Variants in ABCB9 observed in about 807,000 individuals in gnomAD.
ABCB9 encodes the protein ATP binding cassette subfamily B member 9.
Under a neutral mutation model 62.0 loss-of-function variants are expected in ABCB9, and 36 were observed. That is an observed-to-expected ratio of 0.58 (90% CI 0.45 to 0.77). The LOEUF (loss-of-function observed/expected upper bound fraction) is 0.77. ABCB9 is among the 30% of genes least tolerant of loss of function. The pLI, the probability that ABCB9 is intolerant of heterozygous loss-of-function variation, is 0.00. For synonymous variants in ABCB9, 435 were observed against 461.4 expected, an observed-to-expected ratio of 0.94 and a Z score of 0.73; for missense variants, 943 against 1,054.7, an observed-to-expected ratio of 0.89 and a Z score of 1.47.
At chr12:122,927,859 C>G (rs928411255), downstream of ABCB9, among the ~76,000 whole-genome samples, 2 of 152,208 alleles carry the variant, frequency 1.3e-5, no homozygotes, top group African/African-American at 4.8e-5. Flanking sequence ...TAAAAAACAG[C>G]TGATCTCACA....
chr12:122,939,973 G>A, intron 9 of ABCB9, 138 bp downstream of exon 9: 1 of 1,150,910 alleles, frequency 8.7e-7, no homozygotes, highest in South Asian at 1.6e-5. Context: ...GTTTCTCTAG[G>A]AGGGCATTGT....
downstream of ABCB9, among the ~76,000 whole-genome samples, chr12:122,919,691 C>T (rs980069524): frequency 6.6e-6 from 1 of 152,048 alleles, no homozygotes. Flanking sequence ...TAGGTGATCT[C>T]GGACCTCTTA....
At chr12:122,943,420 C>T (rs917441863) in intron 7 of ABCB9, among the ~76,000 whole-genome samples, 6 of 152,176 alleles carry the variant, frequency 3.9e-5, no homozygotes, top group Non-Finnish European at 7.3e-5. Context: ...ATTTCCGAGG[C>T]ACTACGCTGG....
Position 122,930,100 on chromosome 12 carries a change from C to A in ABCB9, c.2112G>T (p.Val704=). The change falls in exon 12 of 12, where the codon GTG becomes GTT. Residue 704 remains valine, a synonymous_variant. Transcript: ENST00000280560. The surrounding 1 kb of genome is among the most constrained non-coding windows in gnomAD (Gnocchi z 4.9). ...GCACCACAATGAGGTGCGCGTGCTC[C>A]ACGGTGCTCAGCCGGTGCGCGATGA... is the stretch of plus-strand genomic sequence containing the variant. ...VLIIAHRLST[V]EHAHLIVVLD... 1.3e-6 allele frequency: 2 copies of A among 1,557,888 alleles called. No homozygotes were observed. Among genetic ancestry groups the A allele is most frequent in the East Asian group, 2.4e-5 (1 of 41,468 alleles).
chr12:122,970,929 T>A (rs985223453), upstream of ABCB9, among the ~76,000 whole-genome samples: 5 of 152,102 alleles, frequency 3.3e-5, no homozygotes, highest in Admixed American at 2.0e-4. Context: ...CTCCCTACTG[T>A]ATGATTCCTA....
At chr12:122,920,309 A>G (rs1593944657), downstream of ABCB9, among the ~76,000 whole-genome samples, 1 of 149,816 alleles carries the variant, frequency 6.7e-6, no homozygotes, top group Non-Finnish European at 1.5e-5. Flanking sequence ...TATCTCCTTC[A>G]CTATCCCCAG....
chr12:122,968,812 G>A (rs1424128797), upstream of ABCB9, among the ~76,000 whole-genome samples: 2 of 151,848 alleles, frequency 1.3e-5, no homozygotes, highest in Non-Finnish European at 2.9e-5. Flanking sequence ...ATGGGGTTTT[G>A]CCATGTTGGC....
chr12:122,923,426 A>G (rs1425021194), intron 11 of ABCB9, among the ~76,000 whole-genome samples: 4 of 152,138 alleles, frequency 2.6e-5, no homozygotes, highest in Non-Finnish European at 4.4e-5. Flanking sequence ...AGCTGGGACT[A>G]CAGGCACCCG....
At chr12:122,942,807 G>T (rs988474148) in intron 7 of ABCB9, among the ~76,000 whole-genome samples, 3 of 152,040 alleles carry the variant, frequency 2.0e-5, no homozygotes, top group African/African-American at 7.2e-5. Context: ...GTCTCAAATA[G>T]TAATGATAAT....
chr12:122,935,157 A>T lies in ABCB9; in HGVS notation c.1903+115T>A, dbSNP rs2035393104. On this transcript the variant is annotated intron_variant, in intron 10 of 11. Transcript: ENST00000280560. Reference sequence around the variant, plus strand: ...AGTCTGGCCAGGGTAACGTAGCGGGACCCCATCTCTACAAAAAAAAGAGCA... The same window carrying T: ...AGTCTGGCCAGGGTAACGTAGCGGGTCCCCATCTCTACAAAAAAAAGAGCA... 1.3e-5 allele frequency: 16 copies of T among 1,267,474 alleles called. 1 individual carries two copies. In the South Asian group the frequency reaches 2.4e-4, roughly 19 times the overall value. The allele number at this position is 1,267,474 out of a possible 1,614,324, so 78.5% of individuals were successfully genotyped here.
At chr12:122,955,323 A>T (rs2036564373) in intron 2 of ABCB9, among the ~76,000 whole-genome samples, 2 of 152,198 alleles carry the variant, frequency 1.3e-5, no homozygotes, top group Non-Finnish European at 2.9e-5. Context: ...GTATTTAAGG[A>T]TGTCTGCATT....
Position 122,929,842 on chromosome 12 carries a change from C to T in ABCB9, c.*69G>A. ...CCTGGGCTCGGAGGGCAGCTGGGGG[C>T]CTCCGTGGGCACATCTGCCAGGCAG... On this transcript the variant is annotated 3_prime_UTR_variant, in exon 12 of 12. Transcript: ENST00000280560. This position sits in a 1 kb window ranked among gnomAD's most constrained non-coding sequence, Gnocchi z 6.0. The T allele has an allele frequency of 6.9e-7, 1 of 1,458,304 alleles. No homozygotes were observed. The highest frequency in any genetic ancestry group is 2.6e-5 in the Admixed American group (1 of 37,774). The allele number at this position is 1,458,304 out of a possible 1,614,324, so 90.3% of individuals were successfully genotyped here.
rs758679082 is a variant in ABCB9, at chr12:122,948,615, C to G, written c.1053+9G>C. The G allele has an allele frequency of 3.1e-6, 5 of 1,604,482 alleles. No homozygotes were observed. Among genetic ancestry groups the G allele is most frequent in the Non-Finnish European group, 4.3e-6 (5 of 1,175,034 alleles). ...TGCACAGTCCCCAGCAGAGACAGGG[C>G]AGGCCTACCTTGTAGTACTTGCCGT... On this transcript the variant is annotated intron_variant, in intron 5 of 11. Transcript: ENST00000280560.
intron 2 of ABCB9, among the ~76,000 whole-genome samples, chr12:122,955,696 T>A (rs1390943162): frequency 6.6e-6 from 1 of 152,088 alleles, no homozygotes; most frequent in Non-Finnish European, 1.5e-5. Flanking sequence ...TGCATAGTTT[T>A]TTGGGTTTTT....
In ABCB9 at chr12:122,932,099, C is replaced by T. The variant is rs535347208; in HGVS notation, c.2040+93G>A. 84 of 1,542,748 alleles carry T rather than the reference C, an allele frequency of 5.4e-5. No individual in the cohort carries two copies. The East Asian group carries it at 9.0e-4, about 17-fold the overall frequency. Reference sequence around the variant, plus strand: ...ATAGTCTGGGAGAGCTCCTGGGGCCCGTCTCTTCTCAGCATCCATCTGCTG... The same window carrying T: ...ATAGTCTGGGAGAGCTCCTGGGGCCTGTCTCTTCTCAGCATCCATCTGCTG... On this transcript the variant is annotated intron_variant, in intron 11 of 11. Coordinates refer to ENST00000280560, the MANE Select transcript of ABCB9 (RefSeq NM_019625.4). This position sits in a 1 kb window ranked among gnomAD's most constrained non-coding sequence, Gnocchi z 4.7.
At chr12:122,920,489 T>C (rs1471283234), downstream of ABCB9, among the ~76,000 whole-genome samples, 2 of 152,196 alleles carry the variant, frequency 1.3e-5, no homozygotes, top group African/African-American at 4.8e-5. Flanking sequence ...CTGTGTTCAG[T>C]TCCCAGTGCT....
chr12:122,955,201 T>C (rs1248489580), intron 2 of ABCB9, among the ~76,000 whole-genome samples: 2 of 152,198 alleles, frequency 1.3e-5, no homozygotes, highest in Admixed American at 6.5e-5. Context: ...CAAGTGAGCG[T>C]TGGCCAGGTT....
intron 3 of ABCB9, 134 bp downstream of exon 3, chr12:122,950,317 A>C: frequency 2.5e-6 from 2 of 808,962 alleles, no homozygotes; most frequent in South Asian, 1.8e-5. Flanking sequence ...CAGGGTGACC[A>C]GCTGAGGGAC....
intron 11 of ABCB9, among the ~76,000 whole-genome samples, chr12:122,922,950 C>A (rs1029079629): frequency 6.6e-6 from 1 of 151,738 alleles, no homozygotes; most frequent in Non-Finnish European, 1.5e-5. Context: ...CACGCCACTA[C>A]ACCTGGCTAA....
Sources: gnomAD v4.1 joint callset for allele counts (sites outside exome capture counted in the v4.1 genomes callset) on GRCh38, gnomAD v4.1.1 for gene constraint, Gnocchi (gnomAD v3.1) non-coding constraint, MANE v1.5 for transcripts, NCBI Gene and HGNC (gene_info 2026-07-23, HGNC 2026-07-21) for gene names.